RGS5: variants seen among roughly 807,000 people sequenced by gnomAD.
RGS5 encodes regulator of G-protein signalling 5.
In RGS5, 20 loss-of-function variants were observed where a neutral mutation model predicts 18.9. That is an observed-to-expected ratio of 1.06 (90% CI 0.74 to 1.54). RGS5 has a LOEUF of 1.54. Among genes scored for constraint, RGS5 ranks in the 40% most tolerant of loss-of-function variants. The pLI is 0.00. For synonymous variants in RGS5, 57 were observed against 76.2 expected (o/e 0.75, Z 1.31); for missense variants, 201 against 211.8 (o/e 0.95, Z 0.32).
chr1:163,188,951 C>CAA (rs34767004), intron 1 of RGS5, among the ~76,000 whole-genome samples: 146 of 77,524 alleles, frequency 1.9e-3, no homozygotes, highest in Non-Finnish European at 2.4e-3. Context: ...GACCCCATCT[C>CAA]AAAAAAAAAA....
chr1:163,291,198 T>C (rs1215160746), intron 2 of RGS5, among the ~76,000 whole-genome samples: 1 of 152,082 alleles, frequency 6.6e-6, no homozygotes, highest in Non-Finnish European at 1.5e-5. Context: ...AAATCTCTAA[T>C]GAAGCTTCCT....
At chr1:163,172,862 A>G (rs1165366456) in intron 1 of RGS5, among the ~76,000 whole-genome samples, 1 of 152,186 alleles carries the variant, frequency 6.6e-6, no homozygotes, top group Non-Finnish European at 1.5e-5. Context: ...CTCTTTTCAC[A>G]AGACTAAATA....
chr1:163,237,012 T>C (rs1181742362), intron 2 of RGS5, among the ~76,000 whole-genome samples: 5 of 151,440 alleles, frequency 3.3e-5, no homozygotes, highest in Non-Finnish European at 5.9e-5. Context: ...TCAACATCAT[T>C]AGGTGTCAAA....
intron 1 of RGS5, among the ~76,000 whole-genome samples, chr1:163,202,364 C>T (rs1175077297): frequency 6.6e-6 from 1 of 152,072 alleles, no homozygotes; most frequent in Non-Finnish European, 1.5e-5. Flanking sequence ...CTCGGTATCT[C>T]CATTTTACAG....
intron 2 of RGS5, among the ~76,000 whole-genome samples, chr1:163,249,671 G>A (rs1648055762): frequency 1.3e-5 from 2 of 152,162 alleles, no homozygotes; most frequent in South Asian, 4.1e-4. Context: ...GGCGCCTGTA[G>A]TCCCAGCTAC....
intron 1 of RGS5, among the ~76,000 whole-genome samples, chr1:163,177,527 A>ATCC (rs1204329647): frequency 6.6e-6 from 1 of 152,184 alleles, no homozygotes; most frequent in Non-Finnish European, 1.5e-5. Context: ...CTTGTTGGGC[A>ATCC]TCCTCTTCTT....
At chr1:163,316,247 G>C (rs181150424) in intron 1 of RGS5, among the ~76,000 whole-genome samples, 2 of 152,294 alleles carry the variant, frequency 1.3e-5, no homozygotes, top group African/African-American at 2.4e-5. Flanking sequence ...GCTGATAGGA[G>C]AGACGTATCA....
At chr1:163,173,791 G>A (rs909067116) in intron 1 of RGS5, among the ~76,000 whole-genome samples, 3 of 152,076 alleles carry the variant, frequency 2.0e-5, no homozygotes, top group Admixed American at 2.0e-4. Context: ...ACAAAAGAAC[G>A]TAGGCCTGGC....
chr1:163,154,751 C>T (rs1190316005), intron 3 of RGS5, among the ~76,000 whole-genome samples: 1 of 151,132 alleles, frequency 6.6e-6, no homozygotes, highest in Non-Finnish European at 1.5e-5. Flanking sequence ...AGCATAAGTG[C>T]TAAAAGAAAA....
chr1:163,166,133 G>A (rs1010508819), intron 2 of RGS5, among the ~76,000 whole-genome samples: 6 of 152,096 alleles, frequency 3.9e-5, no homozygotes, highest in African/African-American at 9.7e-5. Context: ...AAGGCGGGAA[G>A]AGAATTTTTC....
At chr1:163,199,990 A>G (rs1342543149) in intron 1 of RGS5, among the ~76,000 whole-genome samples, 1 of 152,038 alleles carries the variant, frequency 6.6e-6, no homozygotes, top group African/African-American at 2.4e-5. Context: ...ACTTTTATAG[A>G]AAAATAGGAA....
chr1:163,278,129 T>C (rs1189796090), intron 2 of RGS5, among the ~76,000 whole-genome samples: 1 of 151,994 alleles, frequency 6.6e-6, no homozygotes, highest in Non-Finnish European at 1.5e-5. Flanking sequence ...TTCTGAGTCT[T>C]GCAAAAAATA....
chr1:163,155,478 A>G (rs2815276), intron 3 of RGS5, among the ~76,000 whole-genome samples: 85,917 of 151,986 alleles, frequency 0.57, 26,273 homozygotes, highest in South Asian at 0.72. Context: ...CAAGATGTGT[A>G]AAGCTATTCC....
At chr1:163,192,674 G>A (rs1659406572) in intron 1 of RGS5, among the ~76,000 whole-genome samples, 1 of 152,150 alleles carries the variant, frequency 6.6e-6, no homozygotes, top group Admixed American at 6.6e-5. Context: ...GTGTATGCCT[G>A]CACATGCATG....
At chr1:163,166,128 G>A (rs1222788590) in intron 2 of RGS5, among the ~76,000 whole-genome samples, 3 of 152,006 alleles carry the variant, frequency 2.0e-5, no homozygotes, top group African/African-American at 4.8e-5. Flanking sequence ...AGAGAAAGGC[G>A]GGAAGAGAAT....
intron 2 of RGS5, among the ~76,000 whole-genome samples, chr1:163,166,768 T>G (rs1658072361): frequency 6.6e-6 from 1 of 152,236 alleles, no homozygotes; most frequent in Admixed American, 6.5e-5. Flanking sequence ...CCAGAACAGC[T>G]TCTCTCTGAA....
At chr1:163,154,252 G>A (rs181259206) in intron 3 of RGS5, among the ~76,000 whole-genome samples, 11 of 152,062 alleles carry the variant, frequency 7.2e-5, no homozygotes, top group African/African-American at 1.7e-4. Context: ...AGCATAAAAC[G>A]TATGCAATGA....
chr1:163,266,345 A>G (rs976045776), intron 2 of RGS5, among the ~76,000 whole-genome samples: 4 of 151,960 alleles, frequency 2.6e-5, no homozygotes, highest in African/African-American at 4.8e-5. Context: ...GGGCCTCATC[A>G]TCTCTTTTTT....
At chr1:163,208,315 T>C (rs1660000741) in intron 1 of RGS5, among the ~76,000 whole-genome samples, 1 of 105,324 alleles carries the variant, frequency 9.5e-6, no homozygotes, top group East Asian at 3.3e-4. Flanking sequence ...GCCACTGCAC[T>C]CCAGCCTGAG....
Sources: gnomAD v4.1 joint callset for allele counts (sites outside exome capture counted in the v4.1 genomes callset) on GRCh38, gnomAD v4.1.1 for gene constraint, MANE v1.5 for transcripts, NCBI Gene and HGNC (gene_info 2026-07-23, HGNC 2026-07-21) for gene names.